The following PKN2 variants were observed in gnomAD, a reference collection of about 807,000 sequenced individuals.
PKN2 encodes the protein protein kinase N2.
In PKN2, 38 loss-of-function variants were observed where a neutral mutation model predicts 119.1. The observed-to-expected ratio is 0.32, with a 90% confidence interval of 0.25 to 0.42. The LOEUF (loss-of-function observed/expected upper bound fraction) is 0.42. PKN2 is among the 10% of genes least tolerant of loss of function. The probability of loss-of-function intolerance (pLI) is 1.00; values close to 1 mark genes in which losing one functional copy is unlikely to be tolerated. For missense variants in PKN2, 850 were observed against 1,165.1 expected (o/e 0.73, Z 3.94); for synonymous variants, 390 against 384.9 (o/e 1.01, Z -0.15).
chr1:88,717,003 C>A (rs1330093054), intron 1 of PKN2, among the ~76,000 whole-genome samples: 1 of 152,182 alleles, frequency 6.6e-6, no homozygotes, highest in Non-Finnish European at 1.5e-5. Flanking sequence ...GTGACAGAAT[C>A]TCTCAGCATT....
chr1:88,686,283 T>G (rs1283083622), intron 1 of PKN2, among the ~76,000 whole-genome samples: 1 of 152,102 alleles, frequency 6.6e-6, no homozygotes, highest in Non-Finnish European at 1.5e-5. Context: ...TGAGCAGTGT[T>G]AGAGTTACAA....
At chr1:88,775,147 A>G (rs563146623) in intron 6 of PKN2, among the ~76,000 whole-genome samples, 20 of 150,948 alleles carry the variant, frequency 1.3e-4, no homozygotes, top group African/African-American at 3.7e-4. Flanking sequence ...TTTTTTTTGT[A>G]GAGATGGGGT....
chr1:88,742,113 G>T (rs181609713), intron 2 of PKN2, among the ~76,000 whole-genome samples: 99 of 151,968 alleles, frequency 6.5e-4, no homozygotes, highest in African/African-American at 2.3e-3. Flanking sequence ...TTAAGCCAAG[G>T]CCTCAAGACA....
chr1:88,813,947 T>C (rs938742978), intron 16 of PKN2, among the ~76,000 whole-genome samples: 4 of 152,206 alleles, frequency 2.6e-5, no homozygotes, highest in African/African-American at 7.2e-5. Context: ...AAAACCACAA[T>C]TGATACTTTA....
chr1:88,737,043 G>A (rs1186866436), intron 1 of PKN2, among the ~76,000 whole-genome samples: 2 of 152,214 alleles, frequency 1.3e-5, no homozygotes, highest in African/African-American at 4.8e-5. Context: ...ATTCTTTCAA[G>A]CATCAGTGTC....
chr1:88,790,770 T>G (rs1670798639), intron 8 of PKN2, among the ~76,000 whole-genome samples: 1 of 152,158 alleles, frequency 6.6e-6, no homozygotes, highest in Non-Finnish European at 1.5e-5. Flanking sequence ...CTCATGTCCA[T>G]TTTTAGTGTT....
At chr1:88,755,645 A>G (rs1669166929) in intron 2 of PKN2, among the ~76,000 whole-genome samples, 1 of 152,182 alleles carries the variant, frequency 6.6e-6, no homozygotes, top group Admixed American at 6.5e-5. Context: ...TGAGCACTAT[A>G]TAGGCTTTAT....
chr1:88,775,422 T>C (rs945842198), intron 6 of PKN2, among the ~76,000 whole-genome samples: 2 of 152,250 alleles, frequency 1.3e-5, no homozygotes, highest in African/African-American at 4.8e-5. Flanking sequence ...CCTCTATGTC[T>C]TTCCATGCTT....
intron 1 of PKN2, among the ~76,000 whole-genome samples, chr1:88,698,460 A>C (rs531247456): frequency 1.3e-5 from 2 of 152,340 alleles, no homozygotes; most frequent in African/African-American, 2.4e-5. Flanking sequence ...TAGCACATTA[A>C]TGTTAGCACT....
At chr1:88,744,918 A>C (rs1374926006) in intron 2 of PKN2, among the ~76,000 whole-genome samples, 3 of 152,186 alleles carry the variant, frequency 2.0e-5, no homozygotes, top group Non-Finnish European at 4.4e-5. Flanking sequence ...GAGTAGTAGG[A>C]AATGAATTTT....
intron 16 of PKN2, among the ~76,000 whole-genome samples, chr1:88,820,351 T>C (rs990482917): frequency 1.3e-5 from 2 of 149,756 alleles, no homozygotes; most frequent in African/African-American, 4.9e-5. Context: ...CCTGACCACA[T>C]GGAGAAACCC....
chr1:88,817,799 A>ATC (rs140327373), intron 16 of PKN2, among the ~76,000 whole-genome samples: 10,130 of 152,214 alleles, frequency 0.067, 686 homozygotes, highest in African/African-American at 0.18. Context: ...GATGGGACGT[A>ATC]TCTCAAAATA....
intron 6 of PKN2, 127 bp downstream of exon 6, chr1:88,772,006 T>C: frequency 1.5e-6 from 1 of 645,858 alleles, no homozygotes; most frequent in Non-Finnish European, 2.7e-6. Flanking sequence ...AGAATAAAAT[T>C]TGTTGTATTA....
At chr1:88,830,031 ATTAG>A (rs1672670003) in intron 19 of PKN2, among the ~76,000 whole-genome samples, 1 of 152,164 alleles carries the variant, frequency 6.6e-6, no homozygotes, top group African/African-American at 2.4e-5. Flanking sequence ...TGCCTTAAAT[ATTAG>A]TTCATTTAAT....
chr1:88,829,386 A>T (rs1177447650), intron 19 of PKN2: 2 of 407,850 alleles, frequency 4.9e-6, no homozygotes, highest in Non-Finnish European at 9.5e-6. Flanking sequence ...TTGCTATAGA[A>T]CTGCTGATGG....
chr1:88,834,207 A>G lies in PKN2; in HGVS notation c.*759A>G, dbSNP rs1672850209. 6.6e-6 allele frequency: 1 copy of G among 152,038 alleles called. No homozygotes were observed. The highest frequency in any genetic ancestry group is 1.5e-5 in the Non-Finnish European group (1 of 67,964). 9.4% of individuals were successfully genotyped at this position (152,038 alleles called of 1,614,324 possible). A position where few individuals can be genotyped will look rare whatever the true frequency, so the allele number is the denominator to read the frequency against. ...ATGAGGACTTTTAATCAGCCGAACCAAGATATTGTTACCTGTATGCATTCC... is the reference window on the plus strand; with the variant it reads ...ATGAGGACTTTTAATCAGCCGAACCGAGATATTGTTACCTGTATGCATTCC... On this transcript the variant is annotated 3_prime_UTR_variant, in exon 22 of 22. Transcript: ENST00000370521.
At chr1:88,808,319 A>AT (rs1407735022) in intron 15 of PKN2, among the ~76,000 whole-genome samples, 1 of 151,122 alleles carries the variant, frequency 6.6e-6, no homozygotes, top group Non-Finnish European at 1.5e-5. Flanking sequence ...TTATTTATTT[A>AT]TTTTTTGAGA....
At chr1:88,714,198 T>C (rs1228817292) in intron 1 of PKN2, among the ~76,000 whole-genome samples, 1 of 152,196 alleles carries the variant, frequency 6.6e-6, no homozygotes, top group African/African-American at 2.4e-5. Context: ...TGTAGTATAG[T>C]TTAAATTCAG....
intron 7 of PKN2, among the ~76,000 whole-genome samples, chr1:88,785,373 C>T (rs190916751): frequency 2.6e-4 from 40 of 152,284 alleles, no homozygotes; most frequent in Middle Eastern, 6.8e-3. Flanking sequence ...GTCCTTCCAC[C>T]TCAGCCTCCC....
Sources: gnomAD v4.1 joint callset for allele counts (sites outside exome capture counted in the v4.1 genomes callset) on GRCh38, gnomAD v4.1.1 for gene constraint, MANE v1.5 for transcripts, NCBI Gene and HGNC (gene_info 2026-07-23, HGNC 2026-07-21) for gene names.